Variants in SV2B observed in about 807,000 individuals in gnomAD.
The protein encoded by SV2B is solute carrier family 22 member B2.
SV2B carries 41 observed loss-of-function variants against 73.9 expected under a neutral mutation model. That is an observed-to-expected ratio of 0.56 (90% CI 0.43 to 0.72). The LOEUF (loss-of-function observed/expected upper bound fraction) is 0.72. SV2B is among the 30% of genes least tolerant of loss of function. The pLI is 0.00. For missense variants in SV2B, 764 were observed against 857.8 expected (o/e 0.89, Z 1.37); for synonymous variants, 314 against 314.2 (o/e 1.00, Z 0.01).
chr15:91,190,737 A>G (rs1032549807), intron 1 of SV2B, among the ~76,000 whole-genome samples: 17 of 152,230 alleles, frequency 1.1e-4, no homozygotes, highest in Non-Finnish European at 2.1e-4. Context: ...TATGTTGTCA[A>G]TACACCTATG....
intron 1 of SV2B, among the ~76,000 whole-genome samples, chr15:91,134,705 T>C (rs1412866451): frequency 6.6e-6 from 1 of 152,220 alleles, no homozygotes; most frequent in East Asian, 1.9e-4. Flanking sequence ...GAGTAACATA[T>C]ATGAAGTGCC....
chr15:91,204,080 C>A (rs146569618), intron 1 of SV2B, among the ~76,000 whole-genome samples: 1 of 152,166 alleles, frequency 6.6e-6, no homozygotes, highest in Admixed American at 6.5e-5. Flanking sequence ...TCAGATATTT[C>A]TTTCAAACTG....
intron 1 of SV2B, among the ~76,000 whole-genome samples, chr15:91,183,862 A>G (rs2044674953): frequency 6.6e-6 from 1 of 152,014 alleles, no homozygotes; most frequent in Non-Finnish European, 1.5e-5. Flanking sequence ...CATAAATTGA[A>G]TTTTCCTCCT....
At chr15:91,273,120 A>T (rs1402799409) in intron 9 of SV2B, among the ~76,000 whole-genome samples, 3 of 152,140 alleles carry the variant, frequency 2.0e-5, no homozygotes, top group Non-Finnish European at 1.5e-5. Flanking sequence ...GTCATGAGCC[A>T]CCACGCCTGG....
At chr15:91,221,693 G>GCGCGCGCACACACACACACACACACA (rs370290337) in intron 1 of SV2B, among the ~76,000 whole-genome samples, 4 of 140,068 alleles carry the variant, frequency 2.9e-5, no homozygotes, top group African/African-American at 1.1e-4. Context: ...AAGCATGTGC[G>GCGCGCGCACACACACACACACACACA]CACACACACA....
Position 91,224,164 on chromosome 15 carries a change from G to A in SV2B, c.-391-1709G>A, listed in dbSNP as rs147052295. On this transcript the variant is annotated intron_variant, in intron 1 of 12. Transcript: ENST00000394232. This position sits in a 1 kb window ranked among gnomAD's most constrained non-coding sequence, Gnocchi z 4.9. ...GCCCAGGGATGGGCTGTGGGCAGAG[G>A]GAGGAGTCAAGTAGCCATGGTGAGG... Among the ~76,000 whole-genome samples, 1 of 152,288 alleles carries A rather than the reference G, an allele frequency of 6.6e-6. No homozygotes were observed. Among genetic ancestry groups the A allele is most frequent in the African/African-American group, 2.4e-5 (1 of 41,546 alleles).
At chr15:91,219,589 AT>A (rs1247690490) in intron 1 of SV2B, among the ~76,000 whole-genome samples, 1 of 152,236 alleles carries the variant, frequency 6.6e-6, no homozygotes, top group Admixed American at 6.5e-5. Flanking sequence ...TAGGTTAAAT[AT>A]TTTTTTGGGG....
intron 2 of SV2B, among the ~76,000 whole-genome samples, chr15:91,248,045 A>G (rs1045128688): frequency 2.0e-5 from 3 of 152,204 alleles, no homozygotes; most frequent in African/African-American, 7.2e-5. Flanking sequence ...ACAATGTCAT[A>G]AAGATCCTTG....
At chr15:91,263,211 C>T (rs1021310598) in intron 6 of SV2B, among the ~76,000 whole-genome samples, 2 of 134,710 alleles carry the variant, frequency 1.5e-5, no homozygotes, top group African/African-American at 7.2e-5. Flanking sequence ...CACATGGACA[C>T]ACATGAACAC....
At chr15:91,286,105 A>G (rs1347401787) in intron 11 of SV2B, among the ~76,000 whole-genome samples, 2 of 152,212 alleles carry the variant, frequency 1.3e-5, no homozygotes, top group African/African-American at 2.4e-5. Context: ...CGCTAGAGGC[A>G]AGCTTGTTAA....
intron 1 of SV2B, among the ~76,000 whole-genome samples, chr15:91,162,588 T>G (rs2043761103): frequency 1.3e-5 from 2 of 152,188 alleles, no homozygotes; most frequent in Non-Finnish European, 2.9e-5. Context: ...CTGGATTCTC[T>G]GCTCAGGGCA....
intron 1 of SV2B, among the ~76,000 whole-genome samples, chr15:91,114,860 A>C (rs1481627782): frequency 6.6e-6 from 1 of 152,188 alleles, no homozygotes; most frequent in Non-Finnish European, 1.5e-5. Context: ...TCAAAAGCCC[A>C]GCCTGCTCCC....
intron 1 of SV2B, among the ~76,000 whole-genome samples, chr15:91,149,984 CTCTG>C (rs1376460245): frequency 1.3e-5 from 2 of 152,070 alleles, no homozygotes; most frequent in African/African-American, 2.4e-5. Context: ...CTCTTTCTGT[CTCTG>C]TCTTTCTGTC....
chr15:91,150,741 A>C (rs2141216541), intron 1 of SV2B, among the ~76,000 whole-genome samples: 1 of 152,316 alleles, frequency 6.6e-6, no homozygotes, highest in East Asian at 1.9e-4. Context: ...GCTCTGAGAG[A>C]CTGAAATAGT....
Position 91,300,443 on chromosome 15 carries a change from T to C in SV2B, c.*7891T>C, listed in dbSNP as rs1040601320. On this transcript the variant is annotated 3_prime_UTR_variant, in exon 13 of 13. Coordinates refer to ENST00000394232, the MANE Select transcript of SV2B (RefSeq NM_001323032.3). ...AAAAGTTTAATGTTTCAGCTTTCCA[T>C]AGTCATTCATACTTGTGAATCTTCT... 3 of 152,234 alleles carry C rather than the reference T, an allele frequency of 2.0e-5. No individual in the cohort carries two copies. The highest frequency in any genetic ancestry group is 4.4e-5 in the Non-Finnish European group (3 of 68,036). The allele number at this position is 152,234 out of a possible 1,614,324, so 9.4% of individuals were successfully genotyped here. A position where few individuals can be genotyped will look rare whatever the true frequency, so the allele number is the denominator to read the frequency against.
intron 2 of SV2B, among the ~76,000 whole-genome samples, chr15:91,233,544 G>A (rs1386898674): frequency 1.3e-5 from 2 of 152,172 alleles, no homozygotes; most frequent in Admixed American, 6.5e-5. Flanking sequence ...GCCTTGCAGG[G>A]TGTCTTCTGT....
In SV2B at chr15:91,105,903, G is replaced by T. The variant is rs2041868474; in HGVS notation, c.-392+5540G>T. ...AACTCTACAACAAATAAAAAAATTA[G>T]CCAGGTGTGGTGGCACATGCCTGTA... On this transcript the variant is annotated intron_variant, in intron 1 of 12. Coordinates refer to ENST00000394232, the MANE Select transcript of SV2B (RefSeq NM_001323032.3). This position sits in a 1 kb window ranked among gnomAD's most constrained non-coding sequence, Gnocchi z 5.5. Among the ~76,000 whole-genome samples the T allele has an allele frequency of 6.6e-6, 1 of 152,246 alleles. No individual in the cohort carries two copies. Among genetic ancestry groups the T allele is most frequent in the East Asian group, 1.9e-4 (1 of 5,166 alleles).
chr15:91,301,916 C>G lies in SV2B; in HGVS notation c.*9364C>G, dbSNP rs1125405. 3.2e-4 allele frequency among the ~76,000 whole-genome samples: 48 copies of G among 152,160 alleles called. No individual in the cohort carries two copies. The highest frequency in any genetic ancestry group is 7.9e-4 in the Admixed American group (12 of 15,276). The stretch of plus-strand genomic sequence containing the variant: ...TGGATTTGGATTTGGAATGCTCAAC[C>G]TGTTTTCAGAGTCAGAGCCAAGTTC... On this transcript the variant is annotated 3_prime_UTR_variant, in exon 13 of 13. Coordinates refer to ENST00000394232, the MANE Select transcript of SV2B (RefSeq NM_001323032.3). This position sits in a 1 kb window ranked among gnomAD's most constrained non-coding sequence, Gnocchi z 4.3.
At chr15:91,164,215 C>G (rs2141258266) in intron 1 of SV2B, among the ~76,000 whole-genome samples, 1 of 152,258 alleles carries the variant, frequency 6.6e-6, no homozygotes, top group Non-Finnish European at 1.5e-5. Context: ...CATCAAGCTA[C>G]CAATGACTTT....
Sources: gnomAD v4.1 joint callset for allele counts (sites outside exome capture counted in the v4.1 genomes callset) on GRCh38, gnomAD v4.1.1 for gene constraint, Gnocchi (gnomAD v3.1) non-coding constraint, MANE v1.5 for transcripts, NCBI Gene and HGNC (gene_info 2026-07-23, HGNC 2026-07-21) for gene names.